FBXL17: variants seen among roughly 807,000 people sequenced by gnomAD.
FBXL17 encodes the protein F-box and leucine rich repeat protein 17.
A neutral mutation model predicts 66.2 loss-of-function variants in FBXL17; 22 were observed. The observed-to-expected ratio is 0.33, with a 90% CI of 0.24 to 0.47. The LOEUF is 0.47. Ranked by LOEUF, FBXL17 falls within the 20% of genes least tolerant of loss-of-function variation. FBXL17 has a pLI of 1.00. For missense variants in FBXL17, 878 were observed against 948.2 expected (o/e 0.93, Z 0.97); for synonymous variants, 474 against 400.5 (o/e 1.18, Z -2.19).
At chr5:108,110,368 ATTTCT>A (rs1161783268) in intron 6 of FBXL17, among the ~76,000 whole-genome samples, 1 of 152,220 alleles carries the variant, frequency 6.6e-6, no homozygotes, top group Non-Finnish European at 1.5e-5. Context: ...AATTTCTGAA[ATTTCT>A]TAACTAGATA....
intron 1 of FBXL17, among the ~76,000 whole-genome samples, chr5:108,377,546 C>T (rs1426832644): frequency 1.3e-5 from 2 of 152,210 alleles, no homozygotes; most frequent in South Asian, 2.1e-4. Flanking sequence ...GAAGCCCACG[C>T]GAGAATGCTG....
At chr5:108,275,197 C>T (rs1264203341) in intron 4 of FBXL17, among the ~76,000 whole-genome samples, 2 of 152,206 alleles carry the variant, frequency 1.3e-5, no homozygotes, top group Non-Finnish European at 2.9e-5. Context: ...GATAAGGACA[C>T]TTCTTTCACC....
At chr5:107,984,167 G>A (rs192605479) in intron 7 of FBXL17, among the ~76,000 whole-genome samples, 2 of 151,986 alleles carry the variant, frequency 1.3e-5, no homozygotes, top group Admixed American at 1.3e-4. Flanking sequence ...TGAGCTGGTG[G>A]CATCAAATTG....
chr5:108,150,289 A>G (rs1476877943), intron 6 of FBXL17, among the ~76,000 whole-genome samples: 1 of 151,960 alleles, frequency 6.6e-6, no homozygotes, highest in Admixed American at 6.6e-5. Flanking sequence ...CTGCAGCTTC[A>G]ATCTCTCAGG....
chr5:107,881,781 T>C (rs568517333), intron 7 of FBXL17, among the ~76,000 whole-genome samples: 1 of 152,342 alleles, frequency 6.6e-6, no homozygotes, highest in South Asian at 2.1e-4. Context: ...ACAGAATGCA[T>C]TTGTTATGGT....
chr5:108,178,043 T>G (rs1752862807), intron 6 of FBXL17, among the ~76,000 whole-genome samples: 1 of 151,666 alleles, frequency 6.6e-6, no homozygotes, highest in Admixed American at 6.6e-5. Flanking sequence ...TTATTTTTTT[T>G]GAGACAGGGT....
chr5:108,080,279 C>T (rs1372552372), intron 6 of FBXL17, among the ~76,000 whole-genome samples: 1 of 152,184 alleles, frequency 6.6e-6, no homozygotes, highest in Non-Finnish European at 1.5e-5. Context: ...ATAACCTGTT[C>T]TATTAATTAT....
intron 7 of FBXL17, among the ~76,000 whole-genome samples, chr5:108,010,252 T>G (rs1754124710): frequency 6.6e-6 from 1 of 152,188 alleles, no homozygotes; most frequent in Non-Finnish European, 1.5e-5. Flanking sequence ...TTTCAATACT[T>G]AAAACAAATG....
intron 7 of FBXL17, among the ~76,000 whole-genome samples, chr5:107,975,890 C>T (rs1249013444): frequency 7.0e-6 from 1 of 142,296 alleles, no homozygotes; most frequent in Non-Finnish European, 1.5e-5. Flanking sequence ...AACGGGGTCT[C>T]ACTCTGTCAC....
At chr5:107,900,487 TA>T (rs1031298621) in intron 7 of FBXL17, among the ~76,000 whole-genome samples, 13 of 152,294 alleles carry the variant, frequency 8.5e-5, no homozygotes, top group African/African-American at 3.1e-4. Context: ...CTTTGAAGGT[TA>T]AAAGGCAGAA....
At chr5:108,116,083 T>C (rs1415049037) in intron 6 of FBXL17, among the ~76,000 whole-genome samples, 3 of 151,910 alleles carry the variant, frequency 2.0e-5, no homozygotes, top group Non-Finnish European at 4.4e-5. Context: ...AAGGTGACAG[T>C]GAACAAAATC....
At chr5:108,334,583 C>T (rs10515387) in intron 4 of FBXL17, among the ~76,000 whole-genome samples, 2,448 of 152,272 alleles carry the variant, frequency 0.016, 64 homozygotes, top group African/African-American at 0.054. Flanking sequence ...CCAATGACAG[C>T]AGAAAGGATT....
intron 6 of FBXL17, among the ~76,000 whole-genome samples, chr5:108,039,254 A>T (rs1046898726): frequency 1.3e-5 from 2 of 152,030 alleles, no homozygotes; most frequent in African/African-American, 4.8e-5. Context: ...TAATAATATA[A>T]AATTAAAGCA....
chr5:108,107,921 T>A (rs548360856), intron 6 of FBXL17, among the ~76,000 whole-genome samples: 2 of 152,196 alleles, frequency 1.3e-5, no homozygotes, highest in South Asian at 4.2e-4. Flanking sequence ...TCCAGACCCC[T>A]TTGCATGACC....
At chr5:107,988,629 A>G (rs893031012) in intron 7 of FBXL17, among the ~76,000 whole-genome samples, 5 of 152,082 alleles carry the variant, frequency 3.3e-5, no homozygotes, top group African/African-American at 1.2e-4. Flanking sequence ...AATGGGTTCT[A>G]TTGATAATAG....
At chr5:108,284,648 A>T (rs889094645) in intron 4 of FBXL17, among the ~76,000 whole-genome samples, 2 of 151,906 alleles carry the variant, frequency 1.3e-5, no homozygotes, top group Admixed American at 1.3e-4. Flanking sequence ...TGACTTTACT[A>T]CTGTCCAACC....
At chr5:107,888,802 T>A (rs1749058328) in intron 7 of FBXL17, among the ~76,000 whole-genome samples, 1 of 152,232 alleles carries the variant, frequency 6.6e-6, no homozygotes, top group Admixed American at 6.5e-5. Flanking sequence ...AACTTTCGCA[T>A]ACATGTCTTT....
At chr5:108,294,671 C>T (rs1004035829) in intron 4 of FBXL17, among the ~76,000 whole-genome samples, 1 of 151,986 alleles carries the variant, frequency 6.6e-6, no homozygotes, top group Non-Finnish European at 1.5e-5. Flanking sequence ...CTCCATAAAC[C>T]ACTGAAAGCA....
At chr5:108,300,651 C>A (rs1253673553) in intron 4 of FBXL17, among the ~76,000 whole-genome samples, 1 of 151,692 alleles carries the variant, frequency 6.6e-6, no homozygotes, top group African/African-American at 2.4e-5. Flanking sequence ...ACCTGGAGGG[C>A]AGCTTCTAGA....
Sources: gnomAD v4.1 joint callset for allele counts (sites outside exome capture counted in the v4.1 genomes callset) on GRCh38, gnomAD v4.1.1 for gene constraint, MANE v1.5 for transcripts, NCBI Gene and HGNC (gene_info 2026-07-23, HGNC 2026-07-21) for gene names.